PLEC: variants seen among roughly 807,000 people sequenced by gnomAD.
PLEC encodes the protein plectin, also known as hemidesmosomal protein 1.
A neutral mutation model predicts 392.8 loss-of-function variants in PLEC; 216 were observed. That is an observed-to-expected ratio of 0.55 (90% CI 0.49 to 0.62). The LOEUF (loss-of-function observed/expected upper bound fraction) is 0.62, where lower values mean the gene tolerates loss of function less well. PLEC is among the 20% of genes least tolerant of loss of function. The probability of loss-of-function intolerance (pLI) is 0.00; values close to 1 mark genes in which losing one functional copy is unlikely to be tolerated. For missense variants in PLEC, 6,863 were observed against 6,563.4 expected, an observed-to-expected ratio of 1.05 and a Z score of -1.58; for synonymous variants, 3,621 against 2,980.6, an observed-to-expected ratio of 1.21 and a Z score of -7.00.
Position 143,933,248 on chromosome 8 carries a change from A to G in PLEC, c.1367T>C (p.Val456Ala). The G allele has an allele frequency of 1.2e-6, 2 of 1,613,088 alleles. No homozygotes were observed. Among genetic ancestry groups the G allele is most frequent in the Non-Finnish European group, 1.7e-6 (2 of 1,179,980 alleles). ...DSMIRLLFND[V>A]QTLKDGRHPQ... ...GTGCCGTCCATCCTTGAGGGTCTGC[A>G]CGTCGTTGAAGAGCAGCCGGATCAT... The change falls in exon 13 of 32, where the codon GTG (valine) becomes GCG (alanine). Residue 456 changes from valine to alanine, a missense_variant. Coordinates refer to ENST00000345136, the MANE Select transcript of PLEC (RefSeq NM_201384.3).
intron 1 of PLEC, among the ~76,000 whole-genome samples, chr8:143,948,650 C>T (rs1164678365): frequency 1.3e-5 from 2 of 152,234 alleles, no homozygotes; most frequent in African/African-American, 4.8e-5. Context: ...GACTGAGTCA[C>T]CTCCATCGGG....
At chr8:143,964,724 A>G (rs1373525399) in intron 1 of PLEC, among the ~76,000 whole-genome samples, 1 of 152,118 alleles carries the variant, frequency 6.6e-6, no homozygotes, top group African/African-American at 2.4e-5. Context: ...ACAACCATGC[A>G]TTCTTGTGGC....
At chr8:143,950,674 C>A in exon 1 of PLEC, 1 of 1,575,952 alleles carries the variant, frequency 6.3e-7, no homozygotes, top group African/African-American at 1.3e-5. Flanking sequence ...TGGCCCGCAG[C>A]TGGTCCCGTG....
Position 143,918,296 on chromosome 8 carries a change from T to A in PLEC, c.11525A>T (p.Glu3842Val), listed in dbSNP as rs1246343482. The A allele has an allele frequency of 4.4e-6, 7 of 1,591,860 alleles. No homozygotes were observed. Among genetic ancestry groups the A allele is most frequent in the Non-Finnish European group, 5.9e-6 (7 of 1,176,572 alleles). Residue 3842 changes from glutamate to valine, a missense_variant, in exon 32 of 32, where the codon GAG (glutamate) becomes GTG (valine). Coordinates refer to ENST00000345136, the MANE Select transcript of PLEC (RefSeq NM_201384.3). ...DTHDQLSEPS[E>V]VRSYVDPSTD... ...GGACGGGTCCACGTAGCTGCGCACCTCGCTGGGCTCTGACAGCTGGTCGTG... is the reference window on the plus strand; with the variant it reads ...GGACGGGTCCACGTAGCTGCGCACCACGCTGGGCTCTGACAGCTGGTCGTG...
chr8:143,919,670 G>T lies in PLEC; in HGVS notation c.10151C>A (p.Thr3384Lys). 3.8e-6 allele frequency: 6 copies of T among 1,597,964 alleles called. No individual in the cohort carries two copies. Among genetic ancestry groups the T allele is most frequent in the East Asian group, 2.2e-5 (1 of 44,692 alleles). The change falls in exon 32 of 32, where the codon ACG (threonine) becomes AAG (lysine). Residue 3384 changes from threonine to lysine, a missense_variant. Transcript: ENST00000345136. ...CTGCGCCTCCAGCAGGAGCGCAGCC[G>T]TTGTGGCTCTCAGCAGGCCCCGGCG... ...AMRRGLLRAT[T>K]AALLLEAQAA...
Position 143,933,201 on chromosome 8 carries a change from G to A in PLEC, c.1414C>T (p.Arg472Cys), listed in dbSNP as rs559590378. The A allele has an allele frequency of 5.0e-5, 80 of 1,612,530 alleles. No homozygotes were observed. The highest frequency in any genetic ancestry group is 8.9e-5 in the East Asian group (4 of 44,884). ...GRHPQGEQMY[R>C]RVYRLHERLV... ...GGAGGGCAGGGCGGGGCCCACCTGC[G>A]GTACATCTGCTCGCCCTGCGGGTGC... The change falls in exon 13 of 32, where the codon CGC (arginine) becomes TGC (cysteine). Residue 472 changes from arginine (R) to cysteine (C), a missense_variant. Coordinates refer to ENST00000345136, the MANE Select transcript of PLEC (RefSeq NM_201384.3).
At position 143,924,816 on chromosome 8, in the gene PLEC, C is replaced by G; in HGVS notation, c.5113G>C (p.Ala1705Pro). 6.5e-7 allele frequency: 1 copy of G among 1,541,176 alleles called. No individual in the cohort carries two copies. The highest frequency in any genetic ancestry group is 8.7e-7 in the Non-Finnish European group (1 of 1,150,258). Residue 1705 changes from alanine (A) to proline (P), a missense_variant, in exon 31 of 32, where the codon GCG (alanine) becomes CCG (proline). Transcript: ENST00000345136. ...EKQRQLAEGT[A>P]QQRLAAEQEL... is the part of the protein sequence containing the mutation. ...TGCTCCGCGGCCAGGCGCTGCTGCG[C>G]GGTGCCTTCCGCCAGCTGCCGCTGC...
upstream of PLEC, among the ~76,000 whole-genome samples, chr8:143,942,212 T>A (rs1345761349): frequency 9.8e-6 from 1 of 101,788 alleles, no homozygotes. Flanking sequence ...CAAATGGGGG[T>A]AGGGGAACAT....
intron 1 of PLEC, among the ~76,000 whole-genome samples, chr8:143,959,102 C>T (rs565864636): frequency 5.3e-4 from 81 of 152,310 alleles, no homozygotes; most frequent in Non-Finnish European, 9.4e-4. Context: ...CAGTGTGAGG[C>T]GAGGCTGCTG....
chr8:143,936,097 G>A, intron 5 of PLEC, 83 bp from the exon 6 acceptor site: 1 of 1,499,540 alleles, frequency 6.7e-7, no homozygotes, highest in Non-Finnish European at 9.2e-7. Context: ...ACAGGGGCAG[G>A]GGTAGCTCAG....
At chr8:143,975,281 G>A, upstream of PLEC, 1 of 1,609,966 alleles carries the variant, frequency 6.2e-7, no homozygotes, top group Non-Finnish European at 8.5e-7. This position sits in a 1 kb window ranked among gnomAD's most constrained non-coding sequence, Gnocchi z 9.9. Flanking sequence ...AAGGTTCCAG[G>A]GCAGTGTGTC....
At position 143,916,724 on chromosome 8, in the gene PLEC, G is replaced by A. The variant is rs200807583; in HGVS notation, c.13097C>T (p.Thr4366Ile). ...CAGGGCCTGGGCGGCCGACATCTTGGTCTTGGTGCGTGGGTCCTCGAAGCC... is the reference window on the plus strand; with the variant it reads ...CAGGGCCTGGGCGGCCGACATCTTGATCTTGGTGCGTGGGTCCTCGAAGCC... ...FCGFEDPRTKTKMSAAQALKK... is the reference protein window; with the variant it reads ...FCGFEDPRTKIKMSAAQALKK... The change falls in exon 32 of 32, where the codon ACC (threonine) becomes ATC (isoleucine). Residue 4366 changes from threonine (T) to isoleucine (I), a missense_variant. Coordinates refer to ENST00000345136, the MANE Select transcript of PLEC (RefSeq NM_201384.3). 6.0e-5 allele frequency: 97 copies of A among 1,612,918 alleles called. No homozygotes were observed. The highest frequency in any genetic ancestry group is 1.9e-5 in the Non-Finnish European group (23 of 1,179,958).
chr8:143,945,463 G>A (rs781787910), intron 1 of PLEC, among the ~76,000 whole-genome samples: 9 of 152,180 alleles, frequency 5.9e-5, no homozygotes, highest in African/African-American at 9.6e-5. Flanking sequence ...GAAACAGGAC[G>A]TGGGACACGC....
In PLEC at chr8:143,929,153, C is replaced by T. The variant is rs375699173; in HGVS notation, c.3210G>A (p.Thr1070=). The T allele has an allele frequency of 3.0e-4, 477 of 1,592,228 alleles. 3 individuals are homozygous for T. In the African/African-American group the frequency reaches 5.4e-3, roughly 18 times the overall value. Residue 1070 remains threonine, a synonymous_variant, in exon 25 of 32, where the codon ACG becomes ACA. Coordinates refer to ENST00000345136, the MANE Select transcript of PLEC (RefSeq NM_201384.3). ...APTLRSELEL[T]LGKLEQVRSL... ...TGCGGACCTGCTCCAGCTTGCCCAG[C>T]GTCAGCTCCAGCTCCGAGCGCAGCG...
rs781942713 is a variant in PLEC at position 143,920,782 on chromosome 8, C to A, written c.9039G>T (p.Val3013=). Residue 3013 remains valine, a synonymous_variant, in exon 32 of 32, where the codon GTG becomes GTT. Transcript: ENST00000345136. ...GERSVRDVAE[V]DTVRRALRGA... is the part of the protein sequence containing the mutation. ...CCCGGAGAGCCCGCCGCACAGTGTC[C>A]ACCTCGGCTACGTCTCGCACAGAGC... The A allele has an allele frequency of 6.2e-7, 1 of 1,607,150 alleles. No homozygotes were observed. Among genetic ancestry groups the A allele is most frequent in the East Asian group, 2.2e-5 (1 of 44,878 alleles).
intron 1 of PLEC, among the ~76,000 whole-genome samples, chr8:143,962,157 T>C (rs573685792): frequency 3.3e-5 from 5 of 152,142 alleles, no homozygotes; most frequent in South Asian, 4.1e-4. Flanking sequence ...GCAGATATAA[T>C]TAAATAAAGG....
At chr8:143,949,996 G>A (rs1239147596) in intron 1 of PLEC, among the ~76,000 whole-genome samples, 2 of 152,190 alleles carry the variant, frequency 1.3e-5, no homozygotes, top group Admixed American at 6.5e-5. Context: ...CGAGGAGGAG[G>A]GGCCACATGG....
chr8:143,946,416 T>C (rs1554732248), intron 1 of PLEC: 2 of 1,285,376 alleles, frequency 1.6e-6, no homozygotes, highest in Non-Finnish European at 2.0e-6. Context: ...GCCAGGCTGC[T>C]CCGAGAGCCG....
chr8:143,946,067 G>A (rs1831422933), intron 1 of PLEC, among the ~76,000 whole-genome samples: 1 of 152,276 alleles, frequency 6.6e-6, no homozygotes, highest in African/African-American at 2.4e-5. Context: ...CCTCAGAGGA[G>A]CCTGACTCAA....
Sources: allele counts gnomAD v4.1 joint callset (sites outside exome capture counted in the v4.1 genomes callset), GRCh38; gene constraint gnomAD v4.1.1; non-coding constraint Gnocchi (gnomAD v3.1); transcripts MANE v1.5; gene names NCBI Gene and HGNC (gene_info 2026-07-23, HGNC 2026-07-21).